The following GRM1 variants were observed in gnomAD, a reference collection of about 807,000 sequenced individuals.
The protein encoded by GRM1 is metabotropic glutamate receptor 1.
A neutral mutation model predicts 90.9 loss-of-function variants in GRM1; 33 were observed. The ratio of observed to expected loss-of-function variants is 0.36; its 90% CI spans 0.28 to 0.49. The LOEUF is 0.49. Ranked by LOEUF, GRM1 falls within the 20% of genes least tolerant of loss-of-function variation. The pLI is 0.99. For synonymous variants in GRM1, 700 were observed against 613.2 expected, an observed-to-expected ratio of 1.14 and a Z score of -2.09; for missense variants, 1,190 against 1,534.3, an observed-to-expected ratio of 0.78 and a Z score of 3.75.
intron 2 of GRM1, among the ~76,000 whole-genome samples, chr6:146,260,804 GTTTTTTTTTTTTTTTTTTTTT>G (rs56956724): frequency 0.013 from 294 of 22,790 alleles, 23 homozygotes; most frequent in African/African-American, 0.045. Flanking sequence ...GGTTATTTGG[GTTTTTTTTTTTTTTTTTTTTT>G]TTTTTTTTTT....
At chr6:146,413,640 G>A (rs571377380) in intron 7 of GRM1, among the ~76,000 whole-genome samples, 4 of 152,188 alleles carry the variant, frequency 2.6e-5, no homozygotes, top group East Asian at 3.9e-4. Flanking sequence ...CTACAAATGT[G>A]TAATACACTC....
At chr6:146,380,271 G>A (rs1283755173) in intron 5 of GRM1, among the ~76,000 whole-genome samples, 1 of 152,114 alleles carries the variant, frequency 6.6e-6, no homozygotes, top group Non-Finnish European at 1.5e-5. Context: ...AAACTTAGAA[G>A]TCTGCCTGGT....
intron 1 of GRM1, among the ~76,000 whole-genome samples, chr6:146,048,029 C>G (rs1791396912): frequency 1.3e-5 from 2 of 151,962 alleles, no homozygotes; most frequent in African/African-American, 4.8e-5. Context: ...CATTCTGGAT[C>G]CTTAGAACCA....
chr6:146,146,336 C>T (rs1462173079), intron 1 of GRM1, among the ~76,000 whole-genome samples: 1 of 151,802 alleles, frequency 6.6e-6, no homozygotes, highest in Non-Finnish European at 1.5e-5. Flanking sequence ...ATCCACCCAC[C>T]TCTGCCTCCC....
At chr6:146,299,554 G>T (rs1562591561) in intron 2 of GRM1, among the ~76,000 whole-genome samples, 3 of 152,054 alleles carry the variant, frequency 2.0e-5, no homozygotes, top group Middle Eastern at 3.2e-3. Flanking sequence ...ATTCTCCTTG[G>T]AATATAAAGT....
intron 1 of GRM1, among the ~76,000 whole-genome samples, chr6:146,111,255 G>A (rs1775547834): frequency 6.6e-6 from 1 of 152,208 alleles, no homozygotes; most frequent in African/African-American, 2.4e-5. Flanking sequence ...GGGATTTGGA[G>A]CCATCTGGGT....
chr6:146,156,648 C>A (rs1777538455), intron 1 of GRM1, among the ~76,000 whole-genome samples: 1 of 152,204 alleles, frequency 6.6e-6, no homozygotes, highest in South Asian at 2.1e-4. Flanking sequence ...TTCTTCCCTG[C>A]TTCTCTTTGC....
At chr6:146,127,000 T>TA (rs1776221859) in intron 1 of GRM1, among the ~76,000 whole-genome samples, 1 of 152,064 alleles carries the variant, frequency 6.6e-6, no homozygotes, top group African/African-American at 2.4e-5. Context: ...GTGAAGGTAA[T>TA]AAAAAAATAT....
intron 3 of GRM1, among the ~76,000 whole-genome samples, chr6:146,330,357 G>GT (rs1784545597): frequency 6.6e-6 from 1 of 152,064 alleles, no homozygotes; most frequent in African/African-American, 2.4e-5. Context: ...TTTTTAATGA[G>GT]TTTTTACTAG....
At chr6:146,177,386 G>T (rs535706622) in intron 2 of GRM1, among the ~76,000 whole-genome samples, 1 of 152,036 alleles carries the variant, frequency 6.6e-6, no homozygotes, top group Non-Finnish European at 1.5e-5. Flanking sequence ...GTTTGTACAA[G>T]TTAAGTTTCA....
At chr6:146,372,761 G>A (rs1262341711) in intron 5 of GRM1, among the ~76,000 whole-genome samples, 1 of 152,076 alleles carries the variant, frequency 6.6e-6, no homozygotes, top group African/African-American at 2.4e-5. Flanking sequence ...TCAAAAATGA[G>A]TTTACTGCAG....
At chr6:146,073,018 A>ACGCT (rs2128859343) in intron 1 of GRM1, among the ~76,000 whole-genome samples, 1 of 152,234 alleles carries the variant, frequency 6.6e-6, no homozygotes, top group African/African-American at 2.4e-5. Flanking sequence ...CTCTTAGGTA[A>ACGCT]CGCTCCTCAA....
At chr6:146,053,567 T>C (rs928305545) in intron 1 of GRM1, among the ~76,000 whole-genome samples, 1 of 152,018 alleles carries the variant, frequency 6.6e-6, no homozygotes, top group African/African-American at 2.4e-5. Context: ...TCATGCATGC[T>C]TGAAGGATGA....
chr6:146,300,923 C>A (rs896442637), intron 2 of GRM1, among the ~76,000 whole-genome samples: 2 of 152,190 alleles, frequency 1.3e-5, no homozygotes, highest in Non-Finnish European at 2.9e-5. Flanking sequence ...AACATCCTCA[C>A]ACAGAATCCT....
At chr6:146,326,325 G>A (rs12208075) in intron 3 of GRM1, among the ~76,000 whole-genome samples, 19,727 of 152,146 alleles carry the variant, frequency 0.13, 1,440 homozygotes, top group South Asian at 0.2. Flanking sequence ...TATCCTTGGC[G>A]AACTGACACA....
intron 2 of GRM1, among the ~76,000 whole-genome samples, chr6:146,202,254 G>A (rs1779321287): frequency 6.6e-6 from 1 of 152,080 alleles, no homozygotes; most frequent in Non-Finnish European, 1.5e-5. Flanking sequence ...AACATTTTTA[G>A]TATTCCCATA....
intron 5 of GRM1, among the ~76,000 whole-genome samples, chr6:146,361,434 C>G (rs1775466704): frequency 6.6e-6 from 1 of 152,102 alleles, no homozygotes; most frequent in African/African-American, 2.4e-5. Context: ...TGTGTGTGTG[C>G]TGGTCTCACA....
At chr6:146,143,626 A>G (rs939993348) in intron 1 of GRM1, among the ~76,000 whole-genome samples, 1 of 152,228 alleles carries the variant, frequency 6.6e-6, no homozygotes, top group Non-Finnish European at 1.5e-5. Context: ...TGCAGGCAAG[A>G]TACATTTTAA....
chr6:146,051,589 T>C (rs949307204), intron 1 of GRM1, among the ~76,000 whole-genome samples: 1 of 152,114 alleles, frequency 6.6e-6, no homozygotes, highest in Admixed American at 6.6e-5. Flanking sequence ...TTGGAAAATA[T>C]AGCACTTAAA....
Sources: gnomAD v4.1 joint callset for allele counts (sites outside exome capture counted in the v4.1 genomes callset) on GRCh38, gnomAD v4.1.1 for gene constraint, MANE v1.5 for transcripts, NCBI Gene and HGNC (gene_info 2026-07-23, HGNC 2026-07-21) for gene names.